The following MGAT4C variants were observed in gnomAD, a reference collection of about 807,000 sequenced individuals.
The protein encoded by MGAT4C is alpha-1,3-mannosyl-glycoprotein 4-beta-N-acetylglucosaminyltransferase C.
A neutral mutation model predicts 40.1 loss-of-function variants in MGAT4C; 19 were observed. The ratio of observed to expected loss-of-function variants is 0.47; its 90% CI spans 0.33 to 0.70. The LOEUF (loss-of-function observed/expected upper bound fraction) is 0.70, where lower values mean the gene tolerates loss of function less well. MGAT4C is among the 30% of genes least tolerant of loss of function. The pLI, the probability that MGAT4C is intolerant of heterozygous loss-of-function variation, is 0.02. For missense variants in MGAT4C, 491 were observed against 563.2 expected (o/e 0.87, Z 1.30); for synonymous variants, 181 against 187.1 (o/e 0.97, Z 0.27).
chr12:86,370,261 T>G (rs1459766498), intron 3 of MGAT4C, among the ~76,000 whole-genome samples: 1 of 151,872 alleles, frequency 6.6e-6, no homozygotes, highest in Non-Finnish European at 1.5e-5. Flanking sequence ...AATGGAAAAA[T>G]AGAGTATTTT....
At chr12:86,557,421 A>T (rs2136403883) in intron 2 of MGAT4C, among the ~76,000 whole-genome samples, 1 of 152,214 alleles carries the variant, frequency 6.6e-6, no homozygotes, top group African/African-American at 2.4e-5. Flanking sequence ...TAGTGGTCTG[A>T]GGACAAGCCT....
intron 2 of MGAT4C, among the ~76,000 whole-genome samples, chr12:85,998,316 C>A (rs536101443): frequency 6.6e-6 from 1 of 152,234 alleles, no homozygotes; most frequent in South Asian, 2.1e-4. Flanking sequence ...AAGGGGCTGC[C>A]ATGAAGACCT....
intron 1 of MGAT4C, among the ~76,000 whole-genome samples, chr12:86,174,124 T>TACACACACAC (rs71445051): frequency 1.9e-4 from 28 of 143,810 alleles, no homozygotes; most frequent in African/African-American, 3.8e-4. Flanking sequence ...CACACACACA[T>TACACACACAC]ACACACACAC....
chr12:86,620,162 A>T (rs1339361751), intron 2 of MGAT4C, among the ~76,000 whole-genome samples: 1 of 152,174 alleles, frequency 6.6e-6, no homozygotes, highest in Non-Finnish European at 1.5e-5. Context: ...AGATTTCTCA[A>T]ATACTAAAAA....
Position 86,816,963 on chromosome 12 carries a change from T to C in MGAT4C, c.-262+21703A>G, listed in dbSNP as rs542072437. Among the ~76,000 whole-genome samples, 12 of 151,450 alleles carry C rather than the reference T, an allele frequency of 7.9e-5. No individual in the cohort carries two copies. The East Asian group carries it at 2.3e-3, about 29-fold the overall frequency. The stretch of plus-strand genomic sequence containing the variant: ...TTGTTACAAGTATTTTGATGTATAA[T>C]ATATTGCTTTCATTTTTGGTTTCTT... On this transcript the variant is annotated intron_variant, in intron 1 of 7. Coordinates refer to the MGAT4C transcript ENST00000548651.
intron 1 of MGAT4C, among the ~76,000 whole-genome samples, chr12:86,111,495 C>A (rs1877403960): frequency 6.6e-6 from 1 of 151,700 alleles, no homozygotes; most frequent in Non-Finnish European, 1.5e-5. Flanking sequence ...AGAGAGATGA[C>A]AAATATGCCT....
chr12:86,090,724 C>A (rs892086370), intron 1 of MGAT4C, among the ~76,000 whole-genome samples: 1 of 151,864 alleles, frequency 6.6e-6, no homozygotes, highest in East Asian at 1.9e-4. Context: ...CCCAAAGCCA[C>A]AGTGAGCTTG....
At chr12:86,200,127 G>GTTTTTTTTTTT (rs56844963) in intron 1 of MGAT4C, among the ~76,000 whole-genome samples, 11 of 102,350 alleles carry the variant, frequency 1.1e-4, no homozygotes, top group East Asian at 3.1e-4. Flanking sequence ...GTATGTATTT[G>GTTTTTTTTTTT]TTTTTTTTTT....
chr12:86,123,180 C>T (rs902160218), intron 1 of MGAT4C, among the ~76,000 whole-genome samples: 1 of 152,072 alleles, frequency 6.6e-6, no homozygotes, highest in Non-Finnish European at 1.5e-5. Flanking sequence ...TCTCCTTTAG[C>T]CAGCTCATAA....
At chr12:86,124,187 A>G (rs774634850) in intron 1 of MGAT4C, among the ~76,000 whole-genome samples, 1 of 152,148 alleles carries the variant, frequency 6.6e-6, no homozygotes, top group Non-Finnish European at 1.5e-5. Flanking sequence ...TTACTACACT[A>G]CCTGTGTCAT....
At chr12:86,685,162 G>T (rs1161445815) in intron 2 of MGAT4C, among the ~76,000 whole-genome samples, 1 of 151,968 alleles carries the variant, frequency 6.6e-6, no homozygotes, top group African/African-American at 2.4e-5. Flanking sequence ...GGTTTTTATG[G>T]TCCTAGATCT....
At chr12:86,297,128 T>C (rs1377516804) in intron 4 of MGAT4C, among the ~76,000 whole-genome samples, 2 of 152,012 alleles carry the variant, frequency 1.3e-5, no homozygotes, top group African/African-American at 4.8e-5. Context: ...ATGAAGGAAA[T>C]AGAAAAGATA....
chr12:86,284,450 G>A (rs1283030088), intron 4 of MGAT4C, among the ~76,000 whole-genome samples: 2 of 151,632 alleles, frequency 1.3e-5, no homozygotes, highest in Admixed American at 6.6e-5. Flanking sequence ...TTTATTAGAC[G>A]ATTATGCTGA....
chr12:86,257,069 G>T (rs534148442), upstream of MGAT4C, among the ~76,000 whole-genome samples: 5 of 152,240 alleles, frequency 3.3e-5, no homozygotes, highest in South Asian at 2.1e-4. Flanking sequence ...TTAAATATTG[G>T]TTTTTACAAA....
chr12:86,195,704 C>T (rs1484950457), intron 1 of MGAT4C, among the ~76,000 whole-genome samples: 1 of 152,004 alleles, frequency 6.6e-6, no homozygotes, highest in East Asian at 1.9e-4. Flanking sequence ...ATATGTATCT[C>T]TCAGGTTACA....
At chr12:86,225,575 C>T (rs1951042208) in intron 1 of MGAT4C, among the ~76,000 whole-genome samples, 1 of 151,962 alleles carries the variant, frequency 6.6e-6, no homozygotes, top group Non-Finnish European at 1.5e-5. Context: ...AATCCATCAG[C>T]ACATGAAAAA....
chr12:86,282,426 C>A (rs116858562), intron 4 of MGAT4C, among the ~76,000 whole-genome samples: 1 of 151,838 alleles, frequency 6.6e-6, no homozygotes, highest in East Asian at 1.9e-4. Context: ...TCATTTAGTT[C>A]TTTTTTGTAA....
chr12:86,716,741 A>G (rs1323541595), intron 2 of MGAT4C, among the ~76,000 whole-genome samples: 2 of 152,156 alleles, frequency 1.3e-5, no homozygotes. Flanking sequence ...TGACAGATAC[A>G]TGCCTTATAA....
At chr12:86,368,223 A>G (rs1397028117) in intron 3 of MGAT4C, among the ~76,000 whole-genome samples, 2 of 152,160 alleles carry the variant, frequency 1.3e-5, no homozygotes, top group African/African-American at 2.4e-5. Context: ...GGAAAACAAA[A>G]ACTAGGCTTA....
Sources: gnomAD v4.1 joint callset for allele counts (sites outside exome capture counted in the v4.1 genomes callset) on GRCh38, gnomAD v4.1.1 for gene constraint, MANE v1.5 for transcripts, NCBI Gene and HGNC (gene_info 2026-07-23, HGNC 2026-07-21) for gene names.